ARHGAP44: variants seen among roughly 807,000 people sequenced by gnomAD.
ARHGAP44 encodes the protein rho GTPase-activating protein 44.
A neutral mutation model predicts 106.8 loss-of-function variants in ARHGAP44; 43 were observed. The ratio of observed to expected loss-of-function variants is 0.40; its 90% CI spans 0.32 to 0.52. The LOEUF (loss-of-function observed/expected upper bound fraction) is 0.52. ARHGAP44 is among the 20% of genes least tolerant of loss of function. ARHGAP44 has a pLI of 0.48. For missense variants in ARHGAP44, 866 were observed against 1,050.5 expected (o/e 0.82, Z 2.43); for synonymous variants, 439 against 410.3 (o/e 1.07, Z -0.85).
At chr17:12,911,069 A>G (rs2150943027) in intron 4 of ARHGAP44, among the ~76,000 whole-genome samples, 1 of 151,138 alleles carries the variant, frequency 6.6e-6, no homozygotes, top group African/African-American at 2.4e-5. Flanking sequence ...AAAAAACCAC[A>G]TAATAATTGG....
chr17:12,899,690 A>G (rs78380324), intron 3 of ARHGAP44, among the ~76,000 whole-genome samples: 13,188 of 80,276 alleles, frequency 0.16, 729 homozygotes, highest in Middle Eastern at 0.22. Context: ...GAGATGGACA[A>G]TCACACGGGA....
intron 6 of ARHGAP44, among the ~76,000 whole-genome samples, chr17:12,922,288 T>C (rs1250750234): frequency 6.6e-6 from 1 of 152,206 alleles, no homozygotes; most frequent in Non-Finnish European, 1.5e-5. Context: ...ATTATTCTGA[T>C]GCAAATATGA....
chr17:12,848,229 A>G (rs2035627296), intron 1 of ARHGAP44, among the ~76,000 whole-genome samples: 1 of 152,236 alleles, frequency 6.6e-6, no homozygotes, highest in South Asian at 2.1e-4. Flanking sequence ...GATGAAGTAT[A>G]GCATAGAATC....
chr17:12,828,028 CAAAA>C (rs60301804), intron 1 of ARHGAP44, among the ~76,000 whole-genome samples: 93 of 73,920 alleles, frequency 1.3e-3, no homozygotes, highest in Middle Eastern at 8.6e-3. Flanking sequence ...CTGGCCATCT[CAAAA>C]AAAAAAAAAA....
chr17:12,840,656 G>A (rs576751440), intron 1 of ARHGAP44, among the ~76,000 whole-genome samples: 1 of 152,214 alleles, frequency 6.6e-6, no homozygotes, highest in South Asian at 2.1e-4. Context: ...TGCAGTTCCT[G>A]GGGGAGCAGC....
At chr17:12,929,228 G>T (rs999069724) in intron 7 of ARHGAP44, 182 bp downstream of exon 7, 14 of 523,254 alleles carry the variant, frequency 2.7e-5, no homozygotes, top group Non-Finnish European at 4.9e-5. Flanking sequence ...TTGGGGCTTT[G>T]ATGGTGACCT....
intron 20 of ARHGAP44, chr17:12,987,263 G>A: frequency 1.0e-6 from 1 of 953,466 alleles, no homozygotes; most frequent in Non-Finnish European, 1.5e-6. Flanking sequence ...TTGCATGGCA[G>A]CTTCACTCTC....
At chr17:12,969,231 T>C (rs1382014814) in intron 16 of ARHGAP44, among the ~76,000 whole-genome samples, 4 of 152,194 alleles carry the variant, frequency 2.6e-5, no homozygotes, top group Non-Finnish European at 4.4e-5. Flanking sequence ...ATGTCAGCAG[T>C]AGAGTATCCT....
At chr17:12,877,388 C>T (rs1389333608) in intron 1 of ARHGAP44, among the ~76,000 whole-genome samples, 1 of 151,992 alleles carries the variant, frequency 6.6e-6, no homozygotes, top group Non-Finnish European at 1.5e-5. Context: ...CTGGCTTAGA[C>T]TCTTTAAGGG....
At position 12,919,942 on chromosome 17, in the gene ARHGAP44, C is replaced by T; in HGVS notation, c.464+111C>T. On this transcript the variant is annotated intron_variant, in intron 6 of 20. Transcript: ENST00000379672. The stretch of plus-strand genomic sequence containing the variant: ...TTTTCATTCACCAAGTTTTTCTGGA[C>T]ACCTAACGTGTACCAGGCACTGGAG... 3.6e-6 allele frequency: 3 copies of T among 824,042 alleles called. No individual in the cohort carries two copies. In the South Asian group the frequency reaches 5.2e-5, roughly 14 times the overall value. The allele number at this position is 824,042 out of a possible 1,614,324, so 51.0% of individuals were successfully genotyped here.
In ARHGAP44 at chr17:12,949,340, C is replaced by G. The variant is rs1419234536; in HGVS notation, c.973+89C>G. 5.9e-6 allele frequency: 8 copies of G among 1,358,822 alleles called. No homozygotes were observed. Among genetic ancestry groups the G allele is most frequent in the Non-Finnish European group, 8.1e-6 (8 of 987,464 alleles). 84.2% of individuals were successfully genotyped at this position (1,358,822 alleles called of 1,614,324 possible). On this transcript the variant is annotated intron_variant, in intron 11 of 20. Transcript: ENST00000379672. The surrounding 1 kb of genome is among the most constrained non-coding windows in gnomAD (Gnocchi z 4.1). ...TGTGTGGCTACAAGTCCAGGACACT[C>G]AAGTCAGTGGCTGCCCAAAGCACTT... is the stretch of plus-strand genomic sequence containing the variant.
chr17:12,891,599 C>T (rs1362145174), intron 1 of ARHGAP44, among the ~76,000 whole-genome samples: 1 of 152,168 alleles, frequency 6.6e-6, no homozygotes, highest in African/African-American at 2.4e-5. Context: ...TTCAGCACTG[C>T]TGCATTGGAG....
intron 10 of ARHGAP44, among the ~76,000 whole-genome samples, chr17:12,947,952 G>C (rs2038896973): frequency 6.6e-6 from 1 of 152,232 alleles, no homozygotes; most frequent in Admixed American, 6.5e-5. Context: ...GCATAAGCTT[G>C]ATATTCCAGA....
intron 12 of ARHGAP44, among the ~76,000 whole-genome samples, chr17:12,950,430 AGT>A (rs1400411412): frequency 2.0e-5 from 3 of 152,146 alleles, no homozygotes; most frequent in African/African-American, 7.2e-5. Context: ...GGGCTGTAGC[AGT>A]GTGTCGGGAA....
intron 16 of ARHGAP44, among the ~76,000 whole-genome samples, chr17:12,965,532 G>A (rs766273989): frequency 2.0e-5 from 3 of 152,250 alleles, no homozygotes; most frequent in East Asian, 1.9e-4. Context: ...AGAATAATTC[G>A]AACTGTGCCC....
intron 1 of ARHGAP44, among the ~76,000 whole-genome samples, chr17:12,883,742 T>A (rs1667851758): frequency 6.6e-6 from 1 of 152,162 alleles, no homozygotes; most frequent in Non-Finnish European, 1.5e-5. Flanking sequence ...TTTGTTGAGA[T>A]GTGCTTTACA....
chr17:12,950,017 T>TA (rs1459182480), intron 12 of ARHGAP44, among the ~76,000 whole-genome samples: 1 of 152,114 alleles, frequency 6.6e-6, no homozygotes, highest in Non-Finnish European at 1.5e-5. Flanking sequence ...CTGGAACAAT[T>TA]AAAAAATAGG....
At chr17:12,793,945 G>A (rs908715090) in intron 1 of ARHGAP44, among the ~76,000 whole-genome samples, 1 of 152,114 alleles carries the variant, frequency 6.6e-6, no homozygotes, top group Non-Finnish European at 1.5e-5. Context: ...GTCTTTTGAA[G>A]TAGTTCAAAG....
intron 13 of ARHGAP44, 143 bp downstream of exon 13, chr17:12,952,724 T>A: frequency 6.6e-5 from 3 of 45,758 alleles, no homozygotes; most frequent in Non-Finnish European, 1.1e-4. Context: ...CATGGTCTCT[T>A]TTTTTTTTTT....
Sources: allele counts gnomAD v4.1 joint callset (sites outside exome capture counted in the v4.1 genomes callset), GRCh38; gene constraint gnomAD v4.1.1; non-coding constraint Gnocchi (gnomAD v3.1); transcripts MANE v1.5; gene names NCBI Gene and HGNC (gene_info 2026-07-23, HGNC 2026-07-21).